The following GABRB1 variants were observed in gnomAD, a reference collection of about 807,000 sequenced individuals.
GABRB1 encodes gamma-aminobutyric acid receptor subunit beta-1.
Under a neutral mutation model 51.6 loss-of-function variants are expected in GABRB1, and 17 were observed. That is an observed-to-expected ratio of 0.33 (90% confidence interval 0.23 to 0.49). The LOEUF (loss-of-function observed/expected upper bound fraction) is 0.49. GABRB1 is among the 20% of genes least tolerant of loss of function. GABRB1 has a pLI of 0.99. For synonymous variants in GABRB1, 247 were observed against 218.9 expected (o/e 1.13, Z -1.14); for missense variants, 410 against 600.6 (o/e 0.68, Z 3.32).
intron 4 of GABRB1, among the ~76,000 whole-genome samples, chr4:47,304,876 T>G (rs1025836061): frequency 4.8e-4 from 73 of 152,090 alleles, no homozygotes; most frequent in African/African-American, 1.6e-3. Context: ...TTTTAATGGT[T>G]AAAAACAGAA....
At chr4:47,395,892 C>T (rs1352406397) in intron 5 of GABRB1, among the ~76,000 whole-genome samples, 2 of 151,880 alleles carry the variant, frequency 1.3e-5, no homozygotes, top group African/African-American at 2.4e-5. Flanking sequence ...CATGTTGCAA[C>T]ATTATTGTTC....
rs77526384 is a variant in GABRB1, at chr4:47,265,774, C to A, written c.462-54353C>A. 5.4e-3 allele frequency among the ~76,000 whole-genome samples: 822 copies of A among 152,156 alleles called. 9 individuals are homozygous for A. Among genetic ancestry groups the A allele is most frequent in the African/African-American group, 0.018 (759 of 41,536 alleles). The stretch of plus-strand genomic sequence containing the variant: ...AATGTCTGCTCATGTCCTTTGCTCA[C>A]TGCCTACGGGGGTCATTTGTTTTTT... On this transcript the variant is annotated intron_variant, in intron 4 of 8. Coordinates refer to ENST00000295454, the MANE Select transcript of GABRB1 (RefSeq NM_000812.4).
At chr4:47,131,751 C>A (rs559210480) in intron 3 of GABRB1, among the ~76,000 whole-genome samples, 40 of 152,178 alleles carry the variant, frequency 2.6e-4, no homozygotes, top group African/African-American at 8.7e-4. Context: ...ATTCTGCTAC[C>A]AATTCTGCAT....
At chr4:47,176,875 A>G (rs971778568) in intron 4 of GABRB1, among the ~76,000 whole-genome samples, 1 of 152,160 alleles carries the variant, frequency 6.6e-6, no homozygotes, top group South Asian at 2.1e-4. Flanking sequence ...TAATCATCAC[A>G]ATGATTTCTT....
chr4:47,323,777 T>C (rs1489227649), intron 5 of GABRB1, among the ~76,000 whole-genome samples: 1 of 152,170 alleles, frequency 6.6e-6, no homozygotes, highest in African/African-American at 2.4e-5. Context: ...AAATTAAAGA[T>C]GTTTTGTTTA....
chr4:47,371,189 T>C (rs1029826941), intron 5 of GABRB1, among the ~76,000 whole-genome samples: 27 of 151,540 alleles, frequency 1.8e-4, no homozygotes, highest in African/African-American at 5.8e-4. Context: ...TATGTGGTGT[T>C]TGGTTTTCTG....
intron 4 of GABRB1, among the ~76,000 whole-genome samples, chr4:47,258,442 A>C (rs189590299): frequency 5.2e-4 from 79 of 152,292 alleles, no homozygotes; most frequent in African/African-American, 1.9e-3. Flanking sequence ...AATTCTATGG[A>C]GTTGTTGCTA....
intron 1 of GABRB1, among the ~76,000 whole-genome samples, chr4:47,004,126 C>A (rs923166990): frequency 6.6e-5 from 10 of 151,924 alleles, no homozygotes; most frequent in Non-Finnish European, 1.5e-4. Flanking sequence ...GTAGCTGGGA[C>A]TACAGGCGCG....
At chr4:47,100,241 G>A (rs535138824) in intron 3 of GABRB1, among the ~76,000 whole-genome samples, 156 of 151,840 alleles carry the variant, frequency 1.0e-3, no homozygotes, top group Non-Finnish European at 1.7e-3. Flanking sequence ...AACTCACATG[G>A]GATTATGTTG....
chr4:47,017,048 A>G (rs1317838229), intron 1 of GABRB1, among the ~76,000 whole-genome samples: 1 of 152,238 alleles, frequency 6.6e-6, no homozygotes. Flanking sequence ...GAATGCAAAA[A>G]TTAATACTCT....
chr4:47,400,110 A>G (rs1047181651), intron 5 of GABRB1, among the ~76,000 whole-genome samples: 3 of 152,162 alleles, frequency 2.0e-5, no homozygotes, highest in African/African-American at 7.2e-5. Flanking sequence ...ATGCTTTCCA[A>G]ATATCTATAA....
At chr4:47,102,634 A>G (rs1714771453) in intron 3 of GABRB1, among the ~76,000 whole-genome samples, 1 of 151,978 alleles carries the variant, frequency 6.6e-6, no homozygotes, top group South Asian at 2.1e-4. Context: ...GCAAAAATCC[A>G]GGGATGAGCA....
At chr4:47,066,391 T>G (rs1727083520) in intron 3 of GABRB1, among the ~76,000 whole-genome samples, 1 of 152,200 alleles carries the variant, frequency 6.6e-6, no homozygotes, top group Non-Finnish European at 1.5e-5. Flanking sequence ...GATTGACACT[T>G]TCTTTCATGA....
At chr4:47,291,570 C>T (rs929034586) in intron 4 of GABRB1, among the ~76,000 whole-genome samples, 1 of 152,194 alleles carries the variant, frequency 6.6e-6, no homozygotes, top group African/African-American at 2.4e-5. Context: ...CACTCAATGC[C>T]AGCCCATGAA....
At chr4:47,257,490 T>A (rs1027437680) in intron 4 of GABRB1, among the ~76,000 whole-genome samples, 2 of 152,012 alleles carry the variant, frequency 1.3e-5, no homozygotes, top group South Asian at 2.1e-4. Context: ...GGAGGCAGGA[T>A]CTTGAAATCT....
At chr4:47,248,337 G>A (rs1721844808) in intron 4 of GABRB1, among the ~76,000 whole-genome samples, 1 of 152,074 alleles carries the variant, frequency 6.6e-6, no homozygotes, top group South Asian at 2.1e-4. Flanking sequence ...ACTTGCATTT[G>A]TTAAACCATT....
At chr4:47,112,378 AC>A (rs779393980) in intron 3 of GABRB1, among the ~76,000 whole-genome samples, 4 of 152,216 alleles carry the variant, frequency 2.6e-5, no homozygotes, top group Non-Finnish European at 5.9e-5. Flanking sequence ...TGCTGGGATT[AC>A]AGGCGTGAGC....
chr4:47,425,771 C>G lies in GABRB1; in HGVS notation c.1178C>G (p.Thr393Ser), dbSNP rs747230081. 3.1e-6 allele frequency: 5 copies of G among 1,614,086 alleles called. No homozygotes were observed. The highest frequency in any genetic ancestry group is 3.4e-6 in the Non-Finnish European group (4 of 1,180,040). ...ACGAGCGTGAGCGACCCCAAGGCCA[C>G]CATGTACTCCTATGACAGCGCCAGC... ...VLTSVSDPKA[T>S]MYSYDSASIQ... Residue 393 changes from threonine (T) to serine (S), a missense_variant, in exon 9 of 9, where the codon ACC (threonine) becomes AGC (serine). Physicochemically the swap from Thr to Ser is moderately conservative, Grantham distance 58 (BLOSUM62 1). Around this residue, in one of 5 missense-constraint regions of GABRB1, gnomAD observed 181 missense variants for 195.6 expected, o/e 0.93. Coordinates refer to ENST00000295454, the MANE Select transcript of GABRB1 (RefSeq NM_000812.4).
intron 7 of GABRB1, among the ~76,000 whole-genome samples, chr4:47,404,984 TGA>T (rs1334105678): frequency 6.6e-6 from 1 of 152,204 alleles, no homozygotes; most frequent in African/African-American, 2.4e-5. Context: ...TGGTAAAACT[TGA>T]GATATTTTAA....
Sources: gnomAD v4.1 joint callset for allele counts (sites outside exome capture counted in the v4.1 genomes callset) on GRCh38, gnomAD v4.1.1 for gene constraint, gnomAD v4.1.1 regional missense constraint, MANE v1.5 for transcripts, NCBI Gene and HGNC (gene_info 2026-07-23, HGNC 2026-07-21) for gene names.